The following COL19A1 variants were observed in gnomAD, a reference collection of about 807,000 sequenced individuals.
COL19A1 encodes collagen alpha-1(XIX) chain.
Under a neutral mutation model 190.2 loss-of-function variants are expected in COL19A1, and 159 were observed. The ratio of observed to expected loss-of-function variants is 0.84; its 90% CI spans 0.73 to 0.95. The LOEUF (loss-of-function observed/expected upper bound fraction) is 0.95, where lower values mean the gene tolerates loss of function less well. Ranked by LOEUF, COL19A1 falls within the 40% of genes least tolerant of loss-of-function variation. The probability of loss-of-function intolerance (pLI) is 0.00; values close to 1 mark genes in which losing one functional copy is unlikely to be tolerated. For synonymous variants in COL19A1, 509 were observed against 458.9 expected (o/e 1.11, Z -1.39); for missense variants, 1,418 against 1,431.9 (o/e 0.99, Z 0.16).
intron 11 of COL19A1, among the ~76,000 whole-genome samples, chr6:70,018,511 T>A (rs982671544): frequency 4.0e-5 from 6 of 151,808 alleles, no homozygotes; most frequent in African/African-American, 9.7e-5. Context: ...GTGTTTAGAG[T>A]GGTGGTAACA....
At chr6:70,152,457 A>G (rs1273212799) in intron 31 of COL19A1, among the ~76,000 whole-genome samples, 1 of 152,114 alleles carries the variant, frequency 6.6e-6, no homozygotes, top group African/African-American at 2.4e-5. Context: ...ATATAAATAT[A>G]AAAATATATT....
intron 36 of COL19A1, among the ~76,000 whole-genome samples, chr6:70,163,788 A>G (rs995874986): frequency 6.6e-6 from 1 of 152,172 alleles, no homozygotes. Context: ...GGAGTGGCTT[A>G]TAAACAACAA....
chr6:70,165,653 G>A (rs1478939610), intron 36 of COL19A1, among the ~76,000 whole-genome samples: 2 of 152,122 alleles, frequency 1.3e-5, no homozygotes, highest in African/African-American at 4.8e-5. Context: ...TGGAAGTCCA[G>A]GACATGAGCA....
At chr6:69,966,717 A>G (rs1196399295) in intron 11 of COL19A1, among the ~76,000 whole-genome samples, 4 of 151,708 alleles carry the variant, frequency 2.6e-5, no homozygotes, top group South Asian at 4.2e-4. Context: ...CTATTGTCCT[A>G]TGACCCCGCC....
chr6:70,111,771 T>G (rs976342322), intron 16 of COL19A1, among the ~76,000 whole-genome samples: 2 of 152,192 alleles, frequency 1.3e-5, no homozygotes, highest in Non-Finnish European at 2.9e-5. Context: ...AATTGTCATT[T>G]GTAGATTTAT....
intron 44 of COL19A1, among the ~76,000 whole-genome samples, chr6:70,184,079 A>T (rs1230164146): frequency 6.6e-6 from 1 of 152,208 alleles, no homozygotes; most frequent in Non-Finnish European, 1.5e-5. Flanking sequence ...ATAAAAAGTG[A>T]CTAATACTGT....
intron 14 of COL19A1, among the ~76,000 whole-genome samples, chr6:70,036,439 AT>A (rs1327076323): frequency 6.6e-6 from 1 of 152,214 alleles, no homozygotes; most frequent in Non-Finnish European, 1.5e-5. Flanking sequence ...AGATGATAAA[AT>A]TGCAATATTT....
chr6:69,898,329 A>C (rs1769929944), intron 2 of COL19A1, among the ~76,000 whole-genome samples: 1 of 152,194 alleles, frequency 6.6e-6, no homozygotes, highest in Non-Finnish European at 1.5e-5. Flanking sequence ...TTACTGTATT[A>C]GTGTGTAGTG....
chr6:70,051,693 A>G (rs1582784943), intron 14 of COL19A1, among the ~76,000 whole-genome samples: 2 of 152,110 alleles, frequency 1.3e-5, no homozygotes, highest in Non-Finnish European at 2.9e-5. Flanking sequence ...TAAGACATGC[A>G]GAAGCACAAA....
rs1055021576 is a variant in COL19A1 at position 69,917,655 on chromosome 6, A to G, written c.267-10254A>G. 8.5e-5 allele frequency among the ~76,000 whole-genome samples: 13 copies of G among 152,274 alleles called. No individual in the cohort carries two copies. In the South Asian group the frequency reaches 2.3e-3, roughly 27 times the overall value. ...TTAGATGGTGACTAGGGTGAGGACA[A>G]TCTTAGACCGTTCAAGGGAAGTGAT... On this transcript the variant is annotated intron_variant, in intron 4 of 50. Transcript: ENST00000620364.
chr6:70,165,215 C>T (rs919356539), intron 36 of COL19A1, among the ~76,000 whole-genome samples: 3 of 152,088 alleles, frequency 2.0e-5, no homozygotes, highest in South Asian at 2.1e-4. Flanking sequence ...TATTATGGAC[C>T]GATAAACATC....
chr6:70,062,161 C>A (rs1780876280), intron 14 of COL19A1, among the ~76,000 whole-genome samples: 1 of 151,810 alleles, frequency 6.6e-6, no homozygotes, highest in Non-Finnish European at 1.5e-5. Flanking sequence ...AAATTTCATT[C>A]AACTGTTGTG....
intron 4 of COL19A1, among the ~76,000 whole-genome samples, chr6:69,923,317 A>G (rs746347597): frequency 1.2e-4 from 18 of 152,102 alleles, no homozygotes; most frequent in Non-Finnish European, 2.9e-5. Flanking sequence ...TAGGCTTGAA[A>G]ACCAGTAGCT....
intron 11 of COL19A1, among the ~76,000 whole-genome samples, chr6:70,002,788 A>C (rs1035024639): frequency 7.0e-6 from 1 of 142,182 alleles, no homozygotes; most frequent in Non-Finnish European, 1.5e-5. Flanking sequence ...CTAGTGATCT[A>C]TCCATGTTGT....
chr6:69,898,848 GTTTAA>G, intron 2 of COL19A1, 95 bp from the exon 3 acceptor site: 1 of 727,838 alleles, frequency 1.4e-6, no homozygotes, highest in Admixed American at 2.7e-5. Flanking sequence ...TTAATAAATG[GTTTAA>G]TTTATTTCCA....
At chr6:70,059,520 G>A (rs895088833) in intron 14 of COL19A1, among the ~76,000 whole-genome samples, 4 of 152,136 alleles carry the variant, frequency 2.6e-5, no homozygotes, top group African/African-American at 9.7e-5. Flanking sequence ...GCTCTAGCTT[G>A]TCTTAAATAA....
chr6:70,188,775 T>G (rs1766684085), intron 47 of COL19A1, among the ~76,000 whole-genome samples: 1 of 152,196 alleles, frequency 6.6e-6, no homozygotes, highest in Non-Finnish European at 1.5e-5. Flanking sequence ...CCCATATCTT[T>G]ATTAATCCTC....
chr6:70,195,361 C>T (rs2150302457), intron 48 of COL19A1, among the ~76,000 whole-genome samples: 1 of 152,070 alleles, frequency 6.6e-6, no homozygotes, highest in African/African-American at 2.4e-5. Context: ...GCTTGCCAAC[C>T]TCGAGTTTCA....
intron 16 of COL19A1, among the ~76,000 whole-genome samples, chr6:70,118,986 A>T (rs1159032192): frequency 6.6e-6 from 1 of 152,210 alleles, no homozygotes; most frequent in Non-Finnish European, 1.5e-5. Context: ...CCAGTCTGTA[A>T]AGGATCATAT....
Sources: gnomAD v4.1 joint callset for allele counts (sites outside exome capture counted in the v4.1 genomes callset) on GRCh38, gnomAD v4.1.1 for gene constraint, MANE v1.5 for transcripts, NCBI Gene and HGNC (gene_info 2026-07-23, HGNC 2026-07-21) for gene names.